VAV2: variants seen among roughly 807,000 people sequenced by gnomAD.
The protein encoded by VAV2 is vav guanine nucleotide exchange factor 2, also known as guanine nucleotide exchange factor VAV2.
VAV2 carries 67 observed loss-of-function variants against 132.5 expected under a neutral mutation model. That is an observed-to-expected ratio of 0.51 (90% CI 0.42 to 0.62). The LOEUF is 0.62. Among genes scored for constraint, VAV2 ranks in the 20% least tolerant of loss-of-function variants. The pLI, the probability that VAV2 is intolerant of heterozygous loss-of-function variation, is 0.00. For missense variants in VAV2, 938 were observed against 1,153.6 expected (o/e 0.81, Z 2.71); for synonymous variants, 492 against 443.5 (o/e 1.11, Z -1.37).
chr9:133,792,763 G>C (rs926462021), intron 12 of VAV2, among the ~76,000 whole-genome samples: 1 of 143,168 alleles, frequency 7.0e-6, no homozygotes, highest in South Asian at 2.2e-4. Context: ...GGCCGCCCTC[G>C]AGACAGGAGG....
In VAV2 at chr9:133,796,426, C is replaced by G; in HGVS notation, c.1032+3G>C. 6.2e-7 allele frequency: 1 copy of G among 1,612,718 alleles called. No individual in the cohort carries two copies. The highest frequency in any genetic ancestry group is 8.5e-7 in the Non-Finnish European group (1 of 1,179,598). On this transcript the variant is annotated splice_donor_region_variant and intron_variant, in intron 11 of 29. Coordinates refer to ENST00000371850, the MANE Select transcript of VAV2 (RefSeq NM_001134398.2). ...CGCAGGCACCCGGGGCCCAGAGCCT[C>G]ACCTTCAAGAGCAGGTGGTATTTGA...
Position 133,774,405 on chromosome 9 carries a change from T to C in VAV2, c.2135+530A>G, listed in dbSNP as rs572799015. Among the ~76,000 whole-genome samples, 3 of 152,282 alleles carry C rather than the reference T, an allele frequency of 2.0e-5. No homozygotes were observed. In the East Asian group the frequency reaches 5.8e-4, roughly 29 times the overall value. On this transcript the variant is annotated intron_variant, in intron 25 of 29. Coordinates refer to ENST00000371850, the MANE Select transcript of VAV2 (RefSeq NM_001134398.2). ...TCAGTGCTTGGTGGGCTCCAGCCCA[T>C]CAGGGTCGGTCTCCTGGAGAGTTAA...
At chr9:133,982,111 G>C (rs1225391972) in intron 1 of VAV2, among the ~76,000 whole-genome samples, 1 of 152,216 alleles carries the variant, frequency 6.6e-6, no homozygotes, top group African/African-American at 2.4e-5. Context: ...AGGCTTCCCA[G>C]GACAGGCCTC....
At position 133,933,263 on chromosome 9, in the gene VAV2, C is replaced by G. The variant is rs1418768977; in HGVS notation, c.321+5840G>C. Among the ~76,000 whole-genome samples, 3 of 152,286 alleles carry G rather than the reference C, an allele frequency of 2.0e-5. No individual in the cohort carries two copies. In the East Asian group the frequency reaches 5.8e-4, roughly 29 times the overall value. On this transcript the variant is annotated intron_variant, in intron 2 of 29. Coordinates refer to ENST00000371850, the MANE Select transcript of VAV2 (RefSeq NM_001134398.2). ...CCAGAGTTTTTACTTTCTCACTCCT[C>G]TCTCCTACCATTAATTGCTCAGCAG...
At chr9:133,862,147 AC>A (rs1300744340) in intron 2 of VAV2, among the ~76,000 whole-genome samples, 1 of 151,976 alleles carries the variant, frequency 6.6e-6, no homozygotes, top group Non-Finnish European at 1.5e-5. Context: ...GCTCCCCCTA[AC>A]CGGCCTGCCC....
intron 9 of VAV2, among the ~76,000 whole-genome samples, chr9:133,805,694 C>T (rs980528240): frequency 5.9e-5 from 9 of 152,238 alleles, no homozygotes; most frequent in Non-Finnish European, 1.3e-4. Context: ...TTAAGCTCCA[C>T]GTGCCACCTC....
intron 2 of VAV2, among the ~76,000 whole-genome samples, chr9:133,891,483 T>G (rs1588322653): frequency 6.5e-4 from 2 of 3,088 alleles, no homozygotes; most frequent in African/African-American, 1.9e-3. Context: ...GGGGGAGGGA[T>G]GAAGGGGGAC....
In VAV2 at chr9:133,810,121, A is replaced by G. The variant is rs1036191854; in HGVS notation, c.567+70T>C. On this transcript the variant is annotated intron_variant, in intron 6 of 29. Coordinates refer to ENST00000371850, the MANE Select transcript of VAV2 (RefSeq NM_001134398.2). ...TCCCGAGTTTTCTCAGAGAGGTCTG[A>G]GACCTCCCTGAAAGGTCAAGAAGAC... 3.6e-5 allele frequency: 58 copies of G among 1,607,026 alleles called. No homozygotes were observed. The Admixed American group carries it at 9.3e-4, about 26-fold the overall frequency.
chr9:133,806,774 G>A (rs1835164868), intron 8 of VAV2, among the ~76,000 whole-genome samples: 1 of 152,232 alleles, frequency 6.6e-6, no homozygotes, highest in Non-Finnish European at 1.5e-5. Flanking sequence ...CAGGAGGAAG[G>A]GCCAGGAGCA....
At chr9:133,933,285 G>C (rs986723315) in intron 2 of VAV2, among the ~76,000 whole-genome samples, 1 of 152,250 alleles carries the variant, frequency 6.6e-6, no homozygotes, top group Non-Finnish European at 1.5e-5. Context: ...TAATTGCTCA[G>C]CAGCTAATCT....
Position 133,813,424 on chromosome 9 carries a change from A to G in VAV2, c.450-1208T>C, listed in dbSNP as rs1275916073. Among the ~76,000 whole-genome samples the G allele has an allele frequency of 7.2e-5, 11 of 152,230 alleles. No homozygotes were observed. In the South Asian group the frequency reaches 2.3e-3, roughly 32 times the overall value. On this transcript the variant is annotated intron_variant, in intron 4 of 29. Transcript: ENST00000371850. ...GCCTCATCCCAAACCTCGCCTTTGA[A>G]TATCAGCTGTCGCCTTTTAAGGCTT...
intron 4 of VAV2, among the ~76,000 whole-genome samples, chr9:133,831,190 C>G (rs574151614): frequency 6.6e-6 from 1 of 152,200 alleles, no homozygotes; most frequent in African/African-American, 2.4e-5. Context: ...AATCTCAGCA[C>G]TATGGGAGGC....
chr9:133,884,116 C>G lies in VAV2; in HGVS notation c.322-22684G>C, dbSNP rs1209865783. ...GCAGTGAGCTGAGATTGCGCCACTG[C>G]ATTCCAGCCTGGCAACAGCCAGACT... On this transcript the variant is annotated intron_variant, in intron 2 of 29. Transcript: ENST00000371850. The surrounding 1 kb of genome is among the most constrained non-coding windows in gnomAD (Gnocchi z 5.3). 6.6e-6 allele frequency among the ~76,000 whole-genome samples: 1 copy of G among 151,524 alleles called. No individual in the cohort carries two copies. The highest frequency in any genetic ancestry group is 1.5e-5 in the Non-Finnish European group (1 of 67,928).
At chr9:133,913,136 G>A (rs1839940901) in intron 2 of VAV2, among the ~76,000 whole-genome samples, 1 of 152,138 alleles carries the variant, frequency 6.6e-6, no homozygotes, top group Non-Finnish European at 1.5e-5. Context: ...ACTCTGAGAG[G>A]GGCGCCCCCA....
At chr9:133,867,092 A>T (rs1837834931) in intron 2 of VAV2, among the ~76,000 whole-genome samples, 1 of 152,152 alleles carries the variant, frequency 6.6e-6, no homozygotes, top group Non-Finnish European at 1.5e-5. Context: ...TGCAGGGGAC[A>T]CAACACCGCC....
intron 4 of VAV2, among the ~76,000 whole-genome samples, chr9:133,820,490 AT>A (rs1376744555): frequency 6.6e-6 from 1 of 151,542 alleles, no homozygotes. Context: ...CGCCCGGCTA[AT>A]TTTTTTTGTA....
intron 9 of VAV2, among the ~76,000 whole-genome samples, chr9:133,803,738 C>G (rs1189129360): frequency 6.6e-6 from 1 of 152,194 alleles, no homozygotes; most frequent in East Asian, 1.9e-4. Context: ...GACGAGCTGC[C>G]AGGACCCTGT....
At position 133,857,644 on chromosome 9, in the gene VAV2, G is replaced by GT. The variant is rs1837435731; in HGVS notation, c.380+3729dup. 6.6e-6 allele frequency among the ~76,000 whole-genome samples: 1 copy of GT among 152,174 alleles called. No homozygotes were observed. The highest frequency in any genetic ancestry group is 2.1e-4 in the South Asian group (1 of 4,830). ...TGAAATAGTGTCTTGTGAAGTGCTG[G>GT]TGGCTGCCCCCAGAAGGTTCAATTC... On this transcript the variant is annotated intron_variant, in intron 3 of 29. Coordinates refer to ENST00000371850, the MANE Select transcript of VAV2 (RefSeq NM_001134398.2). This position sits in a 1 kb window ranked among gnomAD's most constrained non-coding sequence, Gnocchi z 4.0.
chr9:133,909,296 C>T (rs117707173), intron 2 of VAV2, among the ~76,000 whole-genome samples: 161 of 152,284 alleles, frequency 1.1e-3, no homozygotes, highest in Non-Finnish European at 2.0e-3. Context: ...AGTCCCTGGC[C>T]TGGAAGCCAC....
Sources: allele counts gnomAD v4.1 joint callset (sites outside exome capture counted in the v4.1 genomes callset), GRCh38; gene constraint gnomAD v4.1.1; non-coding constraint Gnocchi (gnomAD v3.1); transcripts MANE v1.5; gene names NCBI Gene and HGNC (gene_info 2026-07-23, HGNC 2026-07-21).